Variants in KIAA1549L observed in about 807,000 individuals in gnomAD.
The protein encoded by KIAA1549L is UPF0606 protein KIAA1549L.
A neutral mutation model predicts 160.7 loss-of-function variants in KIAA1549L; 88 were observed. The observed-to-expected ratio is 0.55, with a 90% confidence interval of 0.46 to 0.65. KIAA1549L has a LOEUF of 0.65. Ranked by LOEUF, KIAA1549L falls within the 30% of genes least tolerant of loss-of-function variation. KIAA1549L has a pLI of 0.00. For synonymous variants in KIAA1549L, 950 were observed against 976.7 expected, an observed-to-expected ratio of 0.97 and a Z score of 0.51; for missense variants, 2,258 against 2,437.5, an observed-to-expected ratio of 0.93 and a Z score of 1.55.
chr11:33,525,523 G>A (rs576976949), intron 1 of KIAA1549L, among the ~76,000 whole-genome samples: 16 of 151,228 alleles, frequency 1.1e-4, no homozygotes, highest in African/African-American at 3.6e-4. Context: ...GGTGATGGAA[G>A]CTTCTGGCTG....
Position 33,618,556 on chromosome 11 carries a change from A to G in KIAA1549L, c.5303A>G (p.Tyr1768Cys). 1 of 1,609,420 alleles carries G rather than the reference A, an allele frequency of 6.2e-7. No homozygotes were observed. The highest frequency in any genetic ancestry group is 8.5e-7 in the Non-Finnish European group (1 of 1,176,672). The part of the protein sequence containing the change: ...KNRQQMKNSV[Y>C]RSRQSLNSPS... ...AGGCAACAGATGAAGAACTCTGTCT[A>G]CAGAAGCCGGCAGTCTCTGAACAGC... Residue 1768 changes from tyrosine (Y) to cysteine (C), a missense_variant, in exon 16 of 21, where the codon TAC becomes TGC. This residue lies in a region of KIAA1549L where 1,359 missense variants were observed against 1,546.6 expected (regional missense o/e 0.88). Transcript: ENST00000658780.
intron 1 of KIAA1549L, among the ~76,000 whole-genome samples, chr11:33,439,487 C>T (rs1282195757): frequency 6.6e-6 from 1 of 151,926 alleles, no homozygotes; most frequent in Non-Finnish European, 1.5e-5. Flanking sequence ...ACTGCAAGCT[C>T]CGCCTTCCGG....
At chr11:33,513,236 TAGA>T (rs1159130428) in intron 1 of KIAA1549L, among the ~76,000 whole-genome samples, 1 of 152,216 alleles carries the variant, frequency 6.6e-6, no homozygotes, top group Non-Finnish European at 1.5e-5. Flanking sequence ...TCCAGCTAAA[TAGA>T]AGATTTGGTG....
intron 1 of KIAA1549L, among the ~76,000 whole-genome samples, chr11:33,524,270 A>G (rs1336007939): frequency 6.6e-6 from 1 of 151,484 alleles, no homozygotes; most frequent in Non-Finnish European, 1.5e-5. Flanking sequence ...TAATTATTTT[A>G]TTTTCTTCTT....
rs1395140018 is a variant in KIAA1549L, at chr11:33,543,735, A to C, written c.2172A>C (p.Leu724Phe). The part of the protein sequence containing the change: ...SGLQQQTNYD[L>F]NGHTISTTSW... Reference sequence around the variant, plus strand: ...TGCAGCAGCAAACAAATTATGATTTAAATGGACACACAATTAGCACCACAA... The same window carrying C: ...TGCAGCAGCAAACAAATTATGATTTCAATGGACACACAATTAGCACCACAA... The change falls in exon 2 of 21, where the codon TTA becomes TTC. Residue 724 changes from leucine (L) to phenylalanine (F), a missense_variant. Around this residue, in one of 6 missense-constraint regions of KIAA1549L, gnomAD observed 287 missense variants for 292.3 expected, o/e 0.98. Transcript: ENST00000658780. 5 of 1,613,940 alleles carry C rather than the reference A, an allele frequency of 3.1e-6. No individual in the cohort carries two copies. Among genetic ancestry groups the C allele is most frequent in the South Asian group, 2.2e-5 (2 of 91,096 alleles).
intron 1 of KIAA1549L, among the ~76,000 whole-genome samples, chr11:33,405,972 T>C (rs953022476): frequency 6.6e-6 from 1 of 151,988 alleles, no homozygotes; most frequent in Admixed American, 6.6e-5. Context: ...TGGTCTACTA[T>C]AGGAAGGTTA....
At chr11:33,415,460 C>T (rs561074708) in intron 1 of KIAA1549L, among the ~76,000 whole-genome samples, 3 of 152,280 alleles carry the variant, frequency 2.0e-5, no homozygotes, top group African/African-American at 7.2e-5. Flanking sequence ...CCTGCCTCTA[C>T]TTGGACCAGC....
At chr11:33,555,309 G>A (rs1414771727) in intron 6 of KIAA1549L, among the ~76,000 whole-genome samples, 1 of 152,046 alleles carries the variant, frequency 6.6e-6, no homozygotes, top group East Asian at 1.9e-4. Context: ...AGAAAAATTA[G>A]CCCTAAAATT....
intron 11 of KIAA1549L, among the ~76,000 whole-genome samples, chr11:33,584,656 T>A (rs1318289262): frequency 6.6e-6 from 1 of 152,242 alleles, no homozygotes; most frequent in Non-Finnish European, 1.5e-5. Flanking sequence ...CCTTATGAGG[T>A]AGCTCGTAGT....
intron 1 of KIAA1549L, among the ~76,000 whole-genome samples, chr11:33,381,637 A>G (rs1221650460): frequency 6.6e-6 from 1 of 152,230 alleles, no homozygotes; most frequent in Non-Finnish European, 1.5e-5. Context: ...ACAAGAGGTG[A>G]CATAATCTGA....
At chr11:33,503,455 C>T (rs557326497) in intron 1 of KIAA1549L, among the ~76,000 whole-genome samples, 1 of 152,242 alleles carries the variant, frequency 6.6e-6, no homozygotes, top group Non-Finnish European at 1.5e-5. Flanking sequence ...TATGTGTTTC[C>T]ATTGAGAATA....
At chr11:33,420,238 T>TGTTTGTTTTTTTGTTTTGTTTTG (rs200546918) in intron 1 of KIAA1549L, among the ~76,000 whole-genome samples, 3 of 148,070 alleles carry the variant, frequency 2.0e-5, no homozygotes, top group Non-Finnish European at 4.5e-5. Context: ...TTTTTTTGTT[T>TGTTTGTTTTTTTGTTTTGTTTTG]TTTTTTTTTT....
intron 17 of KIAA1549L, 70 bp from the exon 18 acceptor site, chr11:33,655,942 A>T (rs1852048723): frequency 9.3e-7 from 1 of 1,075,584 alleles, no homozygotes; most frequent in Admixed American, 1.9e-5. Flanking sequence ...CTCCTCAAAC[A>T]AGAGGAACCT....
chr11:33,641,051 G>C (rs1208282095), intron 16 of KIAA1549L, among the ~76,000 whole-genome samples: 1 of 152,218 alleles, frequency 6.6e-6, no homozygotes. Flanking sequence ...ATGCCAGTGA[G>C]GGAGAAGGGT....
chr11:33,611,266 C>T (rs981384909), intron 15 of KIAA1549L, among the ~76,000 whole-genome samples: 1 of 152,122 alleles, frequency 6.6e-6, no homozygotes, highest in African/African-American at 2.4e-5. Context: ...CCCACCCCGA[C>T]ATGCCACAGA....
At chr11:33,451,360 T>A (rs1054175709) in intron 1 of KIAA1549L, among the ~76,000 whole-genome samples, 3 of 152,212 alleles carry the variant, frequency 2.0e-5, no homozygotes, top group African/African-American at 7.2e-5. Flanking sequence ...TAAAGTGTTA[T>A]GGGCCCGAAT....
intron 1 of KIAA1549L, among the ~76,000 whole-genome samples, chr11:33,390,330 C>A (rs971625596): frequency 6.6e-6 from 1 of 152,190 alleles, no homozygotes; most frequent in Non-Finnish European, 1.5e-5. Flanking sequence ...TCCTATGGCC[C>A]AGTTCATCCT....
At chr11:33,628,820 C>T (rs886875115) in intron 16 of KIAA1549L, among the ~76,000 whole-genome samples, 3 of 151,354 alleles carry the variant, frequency 2.0e-5, no homozygotes, top group Admixed American at 1.3e-4. Flanking sequence ...GAATTTGATC[C>T]TGTCATTATG....
At chr11:33,633,246 G>T (rs1421795558) in intron 16 of KIAA1549L, among the ~76,000 whole-genome samples, 2 of 138,240 alleles carry the variant, frequency 1.4e-5, no homozygotes, top group East Asian at 4.7e-4. Context: ...TGATCTGCCC[G>T]CCTCTTTCTC....
Sources: gnomAD v4.1 joint callset for allele counts (sites outside exome capture counted in the v4.1 genomes callset) on GRCh38, gnomAD v4.1.1 for gene constraint, gnomAD v4.1.1 regional missense constraint, MANE v1.5 for transcripts, NCBI Gene and HGNC (gene_info 2026-07-23, HGNC 2026-07-21) for gene names.